Variants in FHIT observed in about 807,000 individuals in gnomAD.
FHIT encodes fragile histidine triad diadenosine triphosphatase, also known as bis(5'-adenosyl)-triphosphatase.
FHIT carries 19 observed loss-of-function variants against 17.9 expected under a neutral mutation model. That is an observed-to-expected ratio of 1.06 (90% confidence interval 0.74 to 1.56). The LOEUF is 1.56. Ranked by LOEUF, FHIT falls within the 40% of genes most tolerant of loss-of-function variation. The pLI, the probability that FHIT is intolerant of heterozygous loss-of-function variation, is 0.00. For missense variants in FHIT, 248 were observed against 189.2 expected (o/e 1.31, Z -1.82); for synonymous variants, 81 against 69.7 (o/e 1.16, Z -0.81).
intron 5 of FHIT, among the ~76,000 whole-genome samples, chr3:60,180,159 CTCG>C (rs1482512738): frequency 6.6e-6 from 1 of 152,112 alleles, no homozygotes; most frequent in African/African-American, 2.4e-5. Flanking sequence ...AGCACACAAG[CTCG>C]TCAATGGAAA....
At chr3:59,974,899 G>T (rs1169498307) in intron 7 of FHIT, among the ~76,000 whole-genome samples, 1 of 152,010 alleles carries the variant, frequency 6.6e-6, no homozygotes, top group Non-Finnish European at 1.5e-5. Flanking sequence ...ACAAAAGCAG[G>T]TTGCATTCTA....
chr3:60,596,629 C>T (rs561637602), intron 4 of FHIT, among the ~76,000 whole-genome samples: 2 of 152,266 alleles, frequency 1.3e-5, no homozygotes, highest in African/African-American at 4.8e-5. Context: ...ATCTGCACCC[C>T]TGTATTCTAC....
At position 60,556,203 on chromosome 3, in the gene FHIT, G is replaced by A. The variant is rs903162663; in HGVS notation, c.-17-19224C>T. Among the ~76,000 whole-genome samples, 186 of 152,174 alleles carry A rather than the reference G, an allele frequency of 1.2e-3. 1 individual carries two copies. Among genetic ancestry groups the A allele is most frequent in the African/African-American group, 4.1e-3 (170 of 41,528 alleles). On this transcript the variant is annotated intron_variant, in intron 4 of 9. Coordinates refer to ENST00000492590, the MANE Select transcript of FHIT (RefSeq NM_002012.4). ...TATACAGACCTTCCTTGACACTCCCGCAGTAGTCAGCATACTGCCTCAACA... is the reference window on the plus strand; with the variant it reads ...TATACAGACCTTCCTTGACACTCCCACAGTAGTCAGCATACTGCCTCAACA...
At position 60,056,457 on chromosome 3, in the gene FHIT, G is replaced by A. The variant is rs2630164; in HGVS notation, c.104-42305C>T. 9.2e-5 allele frequency among the ~76,000 whole-genome samples: 14 copies of A among 152,090 alleles called. No homozygotes were observed. In the East Asian group the frequency reaches 9.6e-4, roughly 10 times the overall value. On this transcript the variant is annotated intron_variant, in intron 5 of 9. Coordinates refer to ENST00000492590, the MANE Select transcript of FHIT (RefSeq NM_002012.4). The stretch of plus-strand genomic sequence containing the variant: ...CTATTGTTTGCAGTAAGTTTTGTAA[G>A]AGAAACTCTTCTGCACTCCTTATTG...
chr3:60,496,226 C>T (rs935079167), intron 5 of FHIT, among the ~76,000 whole-genome samples: 3 of 151,356 alleles, frequency 2.0e-5, no homozygotes, highest in Non-Finnish European at 2.9e-5. Context: ...AGATTCCAAG[C>T]GAGAAATAAA....
intron 5 of FHIT, among the ~76,000 whole-genome samples, chr3:60,254,620 A>C (rs530776476): frequency 1.3e-5 from 2 of 152,292 alleles, no homozygotes; most frequent in East Asian, 3.9e-4. Context: ...CATATATTTC[A>C]ATTAATTAGG....
At chr3:60,499,715 C>T (rs2034447513) in intron 5 of FHIT, among the ~76,000 whole-genome samples, 1 of 152,086 alleles carries the variant, frequency 6.6e-6, no homozygotes, top group East Asian at 1.9e-4. Context: ...AGCATGCAAA[C>T]TTGTTTCTGC....
At chr3:60,774,696 T>A (rs1198247001) in intron 4 of FHIT, among the ~76,000 whole-genome samples, 1 of 152,192 alleles carries the variant, frequency 6.6e-6, no homozygotes, top group African/African-American at 2.4e-5. Flanking sequence ...TTTGGAATCA[T>A]TAGTAAGTAA....
chr3:60,781,210 TG>T lies in FHIT; in HGVS notation c.-18+40708del, dbSNP rs5849386. On this transcript the variant is annotated intron_variant, in intron 4 of 9. Transcript: ENST00000492590. The stretch of plus-strand genomic sequence containing the variant: ...ATACTTTAAAAAATAGTAGTGTTGC[TG>T]ACTTTCAAGCTTTAGCATCTACACG... 9.7e-3 allele frequency among the ~76,000 whole-genome samples: 1,470 copies of T among 152,172 alleles called. 28 individuals are homozygous for T. The highest frequency in any genetic ancestry group is 0.033 in the African/African-American group (1,379 of 41,496).
At position 61,040,774 on chromosome 3, in the gene FHIT, C is replaced by T. The variant is rs572714828; in HGVS notation, c.-111+1273G>A. On this transcript the variant is annotated intron_variant, in intron 3 of 9. Coordinates refer to ENST00000492590, the MANE Select transcript of FHIT (RefSeq NM_002012.4). ...AGACATCCCATCCCTATTCAGTTAT[C>T]CTTCAAATCATATGGCAACAACACA... Among the ~76,000 whole-genome samples, 11 of 152,290 alleles carry T rather than the reference C, an allele frequency of 7.2e-5. No individual in the cohort carries two copies. The South Asian group carries it at 1.4e-3, about 20-fold the overall frequency.
chr3:60,371,598 G>C (rs555804295), intron 5 of FHIT, among the ~76,000 whole-genome samples: 1 of 151,958 alleles, frequency 6.6e-6, no homozygotes, highest in South Asian at 2.1e-4. Context: ...CAATCTTACT[G>C]GAATGAAAAG....
At chr3:61,213,116 G>A (rs1379067884) in intron 1 of FHIT, among the ~76,000 whole-genome samples, 1 of 152,142 alleles carries the variant, frequency 6.6e-6, no homozygotes, top group African/African-American at 2.4e-5. Flanking sequence ...AAAATAACCA[G>A]CTAACATCAT....
intron 4 of FHIT, among the ~76,000 whole-genome samples, chr3:60,813,433 C>A: frequency 6.6e-6 from 1 of 152,034 alleles, no homozygotes; most frequent in South Asian, 2.1e-4. Flanking sequence ...GGCTTAATGC[C>A]TGTTCTGGTG....
At chr3:60,970,299 T>A (rs1304423847) in intron 3 of FHIT, among the ~76,000 whole-genome samples, 1 of 152,204 alleles carries the variant, frequency 6.6e-6, no homozygotes, top group African/African-American at 2.4e-5. Context: ...TCTTTTGGAA[T>A]ACTGTGTGTT....
At chr3:59,966,646 A>G (rs1029881889) in intron 7 of FHIT, among the ~76,000 whole-genome samples, 111 of 152,322 alleles carry the variant, frequency 7.3e-4, no homozygotes, top group African/African-American at 2.5e-3. Context: ...AAATAAATAT[A>G]GAAAAGATAC....
chr3:60,772,972 G>A (rs28753768), intron 4 of FHIT, among the ~76,000 whole-genome samples: 6,672 of 152,086 alleles, frequency 0.044, 487 homozygotes, highest in African/African-American at 0.15. Context: ...CTACGCCTTC[G>A]CCCAAACTAC....
chr3:60,835,915 A>T (rs1332362242), intron 3 of FHIT, among the ~76,000 whole-genome samples: 2 of 152,194 alleles, frequency 1.3e-5, no homozygotes, highest in Non-Finnish European at 2.9e-5. Flanking sequence ...ACACCCAGCC[A>T]CTTACTAGTT....
intron 5 of FHIT, among the ~76,000 whole-genome samples, chr3:60,522,951 G>A (rs2035429612): frequency 6.6e-6 from 1 of 152,144 alleles, no homozygotes; most frequent in Admixed American, 6.5e-5. Context: ...AGTTCCACGT[G>A]GCTGGGGAGG....
intron 1 of FHIT, among the ~76,000 whole-genome samples, chr3:61,214,404 T>C (rs1486364677): frequency 1.3e-5 from 2 of 152,186 alleles, no homozygotes; most frequent in African/African-American, 4.8e-5. Flanking sequence ...CTAGAAAATC[T>C]AGAAGAAATG....
Sources: allele counts gnomAD v4.1 joint callset (sites outside exome capture counted in the v4.1 genomes callset), GRCh38; gene constraint gnomAD v4.1.1; transcripts MANE v1.5; gene names NCBI Gene and HGNC (gene_info 2026-07-23, HGNC 2026-07-21).